Variants in ITPR2 observed in about 807,000 individuals in gnomAD.
ITPR2 encodes inositol 1,4,5-trisphosphate receptor type 2, also known as inositol 1,4,5-trisphosphate-gated calcium channel ITPR2.
In ITPR2, 207 loss-of-function variants were observed where a neutral mutation model predicts 317.1. The observed-to-expected ratio is 0.65, with a 90% CI of 0.58 to 0.73. The LOEUF (loss-of-function observed/expected upper bound fraction) is 0.73. Ranked by LOEUF, ITPR2 falls within the 30% of genes least tolerant of loss-of-function variation. The pLI, the probability that ITPR2 is intolerant of heterozygous loss-of-function variation, is 0.00. For missense variants in ITPR2, 2,613 were observed against 3,284.0 expected (o/e 0.80, Z 4.99); for synonymous variants, 1,156 against 1,149.1 (o/e 1.01, Z -0.12).
At chr12:26,754,130 G>A (rs1219166122) in intron 2 of ITPR2, among the ~76,000 whole-genome samples, 3 of 152,110 alleles carry the variant, frequency 2.0e-5, no homozygotes, top group Admixed American at 6.6e-5. Context: ...TTTAGTTCAC[G>A]TGATTTAAAT....
chr12:26,528,055 A>G (rs1354410433), intron 37 of ITPR2, among the ~76,000 whole-genome samples: 1 of 152,204 alleles, frequency 6.6e-6, no homozygotes, highest in Non-Finnish European at 1.5e-5. Flanking sequence ...AGACTCCTGG[A>G]CTGCTCTCTG....
In ITPR2 at chr12:26,522,029, G is replaced by A. The variant is rs142792850; in HGVS notation, c.5074-26769C>T. 1.6e-3 allele frequency among the ~76,000 whole-genome samples: 241 copies of A among 152,144 alleles called. 1 individual carries two copies. Among genetic ancestry groups the A allele is most frequent in the African/African-American group, 4.9e-3 (204 of 41,518 alleles). ...TTTGACTACTATAAAATACTACAGC[G>A]TCAGACACAGAATATTTTATGTCTA... On this transcript the variant is annotated intron_variant, in intron 37 of 56. Coordinates refer to ENST00000381340, the MANE Select transcript of ITPR2 (RefSeq NM_002223.4).
chr12:26,429,140 A>G (rs1941142344), intron 48 of ITPR2, among the ~76,000 whole-genome samples: 1 of 152,128 alleles, frequency 6.6e-6, no homozygotes, highest in Non-Finnish European at 1.5e-5. Context: ...TTCTGTATAA[A>G]CTCTTAGTTC....
chr12:26,353,896 C>A (rs1938554271), intron 55 of ITPR2, among the ~76,000 whole-genome samples: 1 of 152,088 alleles, frequency 6.6e-6, no homozygotes, highest in South Asian at 2.1e-4. Context: ...AAATACTATA[C>A]CTGAGAACCT....
chr12:26,528,691 G>C (rs1943870603), intron 37 of ITPR2, among the ~76,000 whole-genome samples: 1 of 152,126 alleles, frequency 6.6e-6, no homozygotes, highest in African/African-American at 2.4e-5. Context: ...TCATGCAAAG[G>C]GGGACATGTT....
chr12:26,754,231 C>T (rs765130577), intron 2 of ITPR2, among the ~76,000 whole-genome samples: 5 of 152,078 alleles, frequency 3.3e-5, no homozygotes, highest in Non-Finnish European at 1.5e-5. Context: ...TTATGCTGGT[C>T]AGATATTAAG....
At chr12:26,557,686 T>C (rs538281205) in intron 35 of ITPR2, among the ~76,000 whole-genome samples, 1 of 152,366 alleles carries the variant, frequency 6.6e-6, no homozygotes, top group East Asian at 1.9e-4. Flanking sequence ...TTTCTTGCTA[T>C]GTGAAATGAT....
At chr12:26,775,959 T>TACATACATATATATATATATATATACATA (rs1263788006) in intron 2 of ITPR2, among the ~76,000 whole-genome samples, 3 of 145,088 alleles carry the variant, frequency 2.1e-5, no homozygotes, top group African/African-American at 2.5e-5. Context: ...TATATGTATA[T>TACATACATATATATATATATATATACATA]CCTATTAGTT....
intron 37 of ITPR2, among the ~76,000 whole-genome samples, chr12:26,526,244 T>A (rs1319054329): frequency 2.0e-5 from 3 of 152,122 alleles, no homozygotes; most frequent in African/African-American, 7.2e-5. Context: ...AGAGAAGAAC[T>A]GGGGGAAGTT....
chr12:26,671,844 G>C (rs1275579500), intron 13 of ITPR2, among the ~76,000 whole-genome samples: 1 of 152,182 alleles, frequency 6.6e-6, no homozygotes, highest in African/African-American at 2.4e-5. Context: ...AAAATAAAAG[G>C]ATGGAGGAAG....
chr12:26,819,268 C>T (rs1190932409), intron 1 of ITPR2, among the ~76,000 whole-genome samples: 1 of 152,152 alleles, frequency 6.6e-6, no homozygotes, highest in African/African-American at 2.4e-5. Context: ...AATAATAACA[C>T]TGGAGAATTT....
At position 26,439,193 on chromosome 12, in the gene ITPR2, C is replaced by T; in HGVS notation, c.6577G>A (p.Val2193Met). Residue 2193 changes from valine (V) to methionine (M), a missense_variant, in exon 47 of 57, where the codon GTG (valine) becomes ATG (methionine). Val to Met is a conservative substitution (Grantham distance 21, BLOSUM62 1). Around this residue, in one of 9 missense-constraint regions of ITPR2, gnomAD observed 926 missense variants for 1,072.8 expected, o/e 0.86. Transcript: ENST00000381340. ...TTERDEQGSKVNDFFQQTEDL... is the reference protein window; with the variant it reads ...TTERDEQGSKMNDFFQQTEDL... ...TCTGTTTGCTGGAAAAAGTCATTCA[C>T]TTTACTTCCTTGTTCATCCCTTTCA... 2.5e-6 allele frequency: 4 copies of T among 1,613,048 alleles called. No individual in the cohort carries two copies. Among genetic ancestry groups the T allele is most frequent in the East Asian group, 2.2e-5 (1 of 44,830 alleles).
Position 26,658,053 on chromosome 12 carries a change from A to G in ITPR2, c.1964T>C (p.Phe655Ser). The G allele has an allele frequency of 6.2e-7, 1 of 1,613,342 alleles. No individual in the cohort carries two copies. The change falls in exon 17 of 57, where the codon TTT becomes TCT. Residue 655 changes from phenylalanine to serine, a missense_variant. Physicochemically the swap from Phe to Ser is radical, Grantham distance 155. This residue lies in a region of ITPR2 where 817 missense variants were observed against 897.6 expected (regional missense o/e 0.91). Coordinates refer to ENST00000381340, the MANE Select transcript of ITPR2 (RefSeq NM_002223.4). ...IPVTQELICKFMLSPGNADIL... is the reference protein window; with the variant it reads ...IPVTQELICKSMLSPGNADIL... ...GTCTGCATTGCCTGGACTCAACATA[A>G]ATTTACAGATGAGTTCTTGAGTTAC...
chr12:26,696,893 A>C (rs1404048506), intron 9 of ITPR2, among the ~76,000 whole-genome samples: 1 of 152,214 alleles, frequency 6.6e-6, no homozygotes, highest in Non-Finnish European at 1.5e-5. Flanking sequence ...CTAGTCTGCT[A>C]CCTGTCTCTG....
chr12:26,792,426 ACTT>A (rs1185732821), intron 1 of ITPR2, among the ~76,000 whole-genome samples: 1 of 151,768 alleles, frequency 6.6e-6, no homozygotes, highest in East Asian at 2.0e-4. Context: ...TCCTGGAACA[ACTT>A]CTACAATATC....
At chr12:26,392,953 G>A (rs1939892353) in intron 54 of ITPR2, among the ~76,000 whole-genome samples, 1 of 152,192 alleles carries the variant, frequency 6.6e-6, no homozygotes, top group Non-Finnish European at 1.5e-5. Flanking sequence ...GGATGCAAGA[G>A]CTAATCTGTG....
intron 2 of ITPR2, among the ~76,000 whole-genome samples, chr12:26,729,557 T>C (rs1170991983): frequency 6.6e-6 from 1 of 152,074 alleles, no homozygotes; most frequent in African/African-American, 2.4e-5. Context: ...TCAACCTAAA[T>C]GCCCATCAAT....
intron 13 of ITPR2, among the ~76,000 whole-genome samples, chr12:26,672,701 A>G (rs182714305): frequency 0.13 from 19,577 of 152,044 alleles, 1,652 homozygotes; most frequent in Non-Finnish European, 0.19. Context: ...AACTAAAATC[A>G]GAGCAGAACT....
chr12:26,595,322 C>A (rs1945815074), intron 32 of ITPR2, 143 bp downstream of exon 32: 2 of 753,386 alleles, frequency 2.7e-6, no homozygotes, highest in Non-Finnish European at 4.3e-6. Flanking sequence ...CACTCACAAT[C>A]TTCTGAAATT....
Sources: gnomAD v4.1 joint callset for allele counts (sites outside exome capture counted in the v4.1 genomes callset) on GRCh38, gnomAD v4.1.1 for gene constraint, gnomAD v4.1.1 regional missense constraint, MANE v1.5 for transcripts, NCBI Gene and HGNC (gene_info 2026-07-23, HGNC 2026-07-21) for gene names.